Variants in DCLK2 observed in about 807,000 individuals in gnomAD.
The protein encoded by DCLK2 is serine/threonine-protein kinase DCLK2.
DCLK2 carries 31 observed loss-of-function variants against 78.4 expected under a neutral mutation model. That is an observed-to-expected ratio of 0.40 (90% confidence interval 0.30 to 0.53). The LOEUF is 0.53. DCLK2 is among the 20% of genes least tolerant of loss of function. DCLK2 has a pLI of 0.61. For missense variants in DCLK2, 872 were observed against 973.7 expected, an observed-to-expected ratio of 0.90 and a Z score of 1.39; for synonymous variants, 407 against 374.9, an observed-to-expected ratio of 1.09 and a Z score of -0.99.
At position 150,193,185 on chromosome 4, in the gene DCLK2, AT is replaced by A; in HGVS notation, c.805del (p.Cys269ValfsTer23). 3 of 1,611,784 alleles carry A rather than the reference AT, an allele frequency of 1.9e-6. No individual in the cohort carries two copies. Among genetic ancestry groups the A allele is most frequent in the Non-Finnish European group, 2.5e-6 (3 of 1,178,528 alleles). On this transcript the variant is annotated frameshift_variant, in exon 3 of 16. Transcript: ENST00000296550. LOFTEE classifies it high-confidence loss of function. The stretch of plus-strand genomic sequence containing the variant: ...TTGGTGATGACGATGTTTTTATTGC[AT>A]GTGGACCAGAAAAATTTCGTTATGC... Reference protein sequence around the residue: ...FFGDDDVFIACGPEKFRYAQD... With the variant: ...FFGDDDVFIAXGPEKFRYAQD...
At chr4:150,225,042 G>C (rs1197080177) in intron 8 of DCLK2, among the ~76,000 whole-genome samples, 6 of 152,284 alleles carry the variant, frequency 3.9e-5, no homozygotes, top group African/African-American at 1.4e-4. Flanking sequence ...GAGCCCAGCT[G>C]GATGATTTAC....
intron 13 of DCLK2, among the ~76,000 whole-genome samples, chr4:150,247,959 A>T (rs986930678): frequency 3.9e-5 from 6 of 152,206 alleles, no homozygotes; most frequent in African/African-American, 1.2e-4. Flanking sequence ...CATTTACTCA[A>T]GAAATATGTA....
chr4:150,205,933 T>A (rs1560868651), intron 5 of DCLK2, among the ~76,000 whole-genome samples: 1 of 152,150 alleles, frequency 6.6e-6, no homozygotes, highest in African/African-American at 2.4e-5. Context: ...CTTTGGGGGA[T>A]CAGATGGGAC....
At chr4:150,184,711 C>T (rs373756086) in intron 2 of DCLK2, among the ~76,000 whole-genome samples, 1 of 151,676 alleles carries the variant, frequency 6.6e-6, no homozygotes, top group Non-Finnish European at 1.5e-5. Context: ...ACGCCATTCT[C>T]CTGTCTTAGC....
At chr4:150,122,844 C>T (rs1351941686) in intron 2 of DCLK2, among the ~76,000 whole-genome samples, 1 of 152,254 alleles carries the variant, frequency 6.6e-6, no homozygotes, top group Admixed American at 6.5e-5. Context: ...TCAGTACTCG[C>T]TGCTTCACCT....
At chr4:150,236,839 GC>G (rs1191348466) in intron 10 of DCLK2, among the ~76,000 whole-genome samples, 6 of 152,120 alleles carry the variant, frequency 3.9e-5, no homozygotes, top group Non-Finnish European at 7.4e-5. Flanking sequence ...GTGATGTTTA[GC>G]CAAGGAATAT....
chr4:150,163,610 A>G (rs1735862821), intron 2 of DCLK2, among the ~76,000 whole-genome samples: 1 of 152,174 alleles, frequency 6.6e-6, no homozygotes, highest in African/African-American at 2.4e-5. Context: ...TATAGAGCTC[A>G]GTTGTCTGAA....
rs34386880 is a variant in DCLK2, at chr4:150,220,761, G to A, written c.1115G>A (p.Arg372His). 2.0e-5 allele frequency: 33 copies of A among 1,613,358 alleles called. No individual in the cohort carries two copies. Among genetic ancestry groups the A allele is most frequent in the Non-Finnish European group, 2.6e-5 (31 of 1,179,616 alleles). ...GTAAACGGTGGACCTGAGCTTGACC[G>A]TTGCATAAGTCCTGAAGGTAGTTCT... is the stretch of plus-strand genomic sequence containing the variant. Reference protein sequence around the residue: ...SNVNGGPELDRCISPEGVNGN... With the variant: ...SNVNGGPELDHCISPEGVNGN... The change falls in exon 6 of 16, where the codon CGT becomes CAT. Residue 372 changes from arginine to histidine, a missense_variant. Arg to His is a conservative substitution (Grantham distance 29). Around this residue, in one of 3 missense-constraint regions of DCLK2, gnomAD observed 567 missense variants for 593.4 expected, o/e 0.96. Coordinates refer to ENST00000296550, the MANE Select transcript of DCLK2 (RefSeq NM_001040260.4).
intron 2 of DCLK2, 71 bp from the exon 3 acceptor site, chr4:150,193,067 C>G: frequency 1.1e-6 from 1 of 905,786 alleles, no homozygotes; most frequent in South Asian, 1.7e-5. Flanking sequence ...CTTAAAAATT[C>G]ATTTAGTTTT....
At chr4:150,193,056 G>A in intron 2 of DCLK2, 82 bp from the exon 3 acceptor site, 2 of 830,720 alleles carry the variant, frequency 2.4e-6, no homozygotes, top group Non-Finnish European at 4.0e-6. Context: ...TAAAATTCAG[G>A]CTTAAAAATT....
chr4:150,113,049 G>A (rs888882892), intron 2 of DCLK2, among the ~76,000 whole-genome samples: 2 of 152,022 alleles, frequency 1.3e-5, no homozygotes, highest in African/African-American at 4.8e-5. Context: ...GACCTCAGGT[G>A]ATCCGCTCGC....
chr4:150,255,949 T>A, intron 15 of DCLK2, 71 bp from the exon 16 acceptor site: 1 of 1,566,060 alleles, frequency 6.4e-7, no homozygotes, highest in Non-Finnish European at 8.7e-7. Flanking sequence ...TCTGTTGTGC[T>A]CTCTGCTCGT....
intron 5 of DCLK2, 71 bp from the exon 6 acceptor site, chr4:150,220,632 T>C: frequency 7.9e-7 from 1 of 1,271,902 alleles, no homozygotes; most frequent in Non-Finnish European, 1.1e-6. Flanking sequence ...AAGCATTTTG[T>C]GTGTCAACGG....
At chr4:150,163,827 G>T (rs1395242948) in intron 2 of DCLK2, among the ~76,000 whole-genome samples, 2 of 152,208 alleles carry the variant, frequency 1.3e-5, no homozygotes, top group East Asian at 3.8e-4. Context: ...GAATGATTAT[G>T]ATTGAGATGA....
chr4:150,145,472 C>T (rs1734404763), intron 2 of DCLK2, among the ~76,000 whole-genome samples: 1 of 152,178 alleles, frequency 6.6e-6, no homozygotes, highest in South Asian at 2.1e-4. Context: ...ACTACTTGAA[C>T]ACTTTAATAC....
intron 2 of DCLK2, among the ~76,000 whole-genome samples, chr4:150,123,693 A>G (rs1053319223): frequency 6.6e-6 from 1 of 152,178 alleles, no homozygotes; most frequent in African/African-American, 2.4e-5. Context: ...AGTGAAGTGC[A>G]GAGATATCCC....
intron 15 of DCLK2, among the ~76,000 whole-genome samples, chr4:150,254,159 G>T (rs1744394359): frequency 6.6e-6 from 1 of 152,218 alleles, no homozygotes; most frequent in Admixed American, 6.5e-5. Flanking sequence ...CTTGTGGTGG[G>T]AAGGGAATGC....
chr4:150,117,918 C>G (rs1732219951), intron 2 of DCLK2, among the ~76,000 whole-genome samples: 1 of 152,172 alleles, frequency 6.6e-6, no homozygotes, highest in Admixed American at 6.5e-5. Context: ...AAACAATCCA[C>G]CATCTTGGAA....
intron 4 of DCLK2, among the ~76,000 whole-genome samples, chr4:150,200,222 C>T (rs908892911): frequency 1.3e-5 from 2 of 152,142 alleles, no homozygotes; most frequent in African/African-American, 2.4e-5. Context: ...TACTTAGAAA[C>T]TGATTAAGGA....
Sources: gnomAD v4.1 joint callset for allele counts (sites outside exome capture counted in the v4.1 genomes callset) on GRCh38, gnomAD v4.1.1 for gene constraint, gnomAD v4.1.1 regional missense constraint, MANE v1.5 for transcripts, NCBI Gene and HGNC (gene_info 2026-07-23, HGNC 2026-07-21) for gene names.